Variants in KIT observed in about 807,000 individuals in gnomAD.
KIT encodes the protein mast/stem cell growth factor receptor Kit.
Under a neutral mutation model 105.7 loss-of-function variants are expected in KIT, and 16 were observed. The observed-to-expected ratio is 0.15, with a 90% CI of 0.10 to 0.23. The LOEUF (loss-of-function observed/expected upper bound fraction) is 0.23. Ranked by LOEUF, KIT falls within the 10% of genes least tolerant of loss-of-function variation. The pLI is 1.00. For missense variants in KIT, 858 were observed against 1,213.8 expected, an observed-to-expected ratio of 0.71 and a Z score of 4.36; for synonymous variants, 438 against 441.1, an observed-to-expected ratio of 0.99 and a Z score of 0.09.
chr4:54,719,539 G>T (rs1188922357), intron 7 of KIT, among the ~76,000 whole-genome samples: 1 of 149,858 alleles, frequency 6.7e-6, no homozygotes, highest in Non-Finnish European at 1.5e-5. Context: ...GAATGACTCA[G>T]GTCCATGATG....
At position 54,738,498 on chromosome 4, in the gene KIT, A is replaced by G. The variant is rs1560426461; in HGVS notation, c.2872A>G (p.Asn958Asp). ...KPVVDHSVRI[N>D]SVGSTASSSQ... ...CGTGGTAGACCATTCTGTGCGGATC[A>G]ATTCTGTCGGCAGCACCGCTTCCTC... Residue 958 changes from asparagine to aspartate, a missense_variant, in exon 21 of 21, where the codon AAT (asparagine) becomes GAT (aspartate). By Grantham distance (23) the Asn-to-Asp change is conservative. This residue lies in a region of KIT where 105 missense variants were observed against 103.5 expected (regional missense o/e 1.01). Coordinates refer to ENST00000288135, the MANE Select transcript of KIT (RefSeq NM_000222.3). The G allele has an allele frequency of 6.2e-7, 1 of 1,614,098 alleles. No homozygotes were observed. The highest frequency in any genetic ancestry group is 8.5e-7 in the Non-Finnish European group (1 of 1,180,004).
At position 54,722,057 on chromosome 4, in the gene KIT, C is replaced by T. The variant is rs545462685; in HGVS notation, c.1232-1527C>T. Among the ~76,000 whole-genome samples, 35 of 152,282 alleles carry T rather than the reference C, an allele frequency of 2.3e-4. No homozygotes were observed. The South Asian group carries it at 2.5e-3, about 11-fold the overall frequency. Reference sequence around the variant, plus strand: ...TCACCCAGGCTGGAGTGCAGTGGTGCTCACTGCAACCTCTGCCTCCTGGGT... The same window carrying T: ...TCACCCAGGCTGGAGTGCAGTGGTGTTCACTGCAACCTCTGCCTCCTGGGT... On this transcript the variant is annotated intron_variant, in intron 7 of 20. Coordinates refer to ENST00000288135, the MANE Select transcript of KIT (RefSeq NM_000222.3).
intron 4 of KIT, among the ~76,000 whole-genome samples, chr4:54,700,615 T>G (rs1720395970): frequency 6.6e-6 from 1 of 152,242 alleles, no homozygotes; most frequent in Admixed American, 6.5e-5. Context: ...ACAGTGGTTT[T>G]TATTCATTAC....
chr4:54,698,215 C>CTTT (rs1450963119), intron 2 of KIT, 69 bp from the exon 3 acceptor site: 19 of 1,493,032 alleles, frequency 1.3e-5, no homozygotes, highest in Non-Finnish European at 1.5e-5. Context: ...CATATTAGAT[C>CTTT]TTTTAAAAAG....
At position 54,702,907 on chromosome 4, in the gene KIT, T is replaced by G. The variant is rs140105744; in HGVS notation, c.757-817T>G. Among the ~76,000 whole-genome samples the G allele has an allele frequency of 3.2e-3, 484 of 152,290 alleles. 1 individual carries two copies. The highest frequency in any genetic ancestry group is 0.011 in the African/African-American group (444 of 41,582). On this transcript the variant is annotated intron_variant, in intron 4 of 20. Transcript: ENST00000288135. ...GCTCCTTTTACTTTAATTGGTTGTT[T>G]TTTTCCCCATTGTAATAGGAGTGTG...
chr4:54,723,851 G>T, intron 8 of KIT, among the ~76,000 whole-genome samples, 153 bp downstream of exon 8: 1 of 151,924 alleles, frequency 6.6e-6, no homozygotes. Context: ...AGGGATAATT[G>T]CTATATTTTT....
Position 54,729,505 on chromosome 4 carries a change from ATAGT to A in KIT, c.2141+24_2141+27del, listed in dbSNP as rs747770197. 181 of 1,611,802 alleles carry A rather than the reference ATAGT, an allele frequency of 1.1e-4. No homozygotes were observed. In the Middle Eastern group the frequency reaches 4.3e-3, roughly 38 times the overall value. ...TTCCTGGTAAGACTGATTTACATAA[ATAGT>A]TAGCTGTTGACAGGCAGTTCATGGG... On this transcript the variant is annotated intron_variant, in intron 14 of 20. Coordinates refer to ENST00000288135, the MANE Select transcript of KIT (RefSeq NM_000222.3).
At chr4:54,709,367 C>A in intron 6 of KIT, 57 bp from the exon 7 acceptor site, 2 of 1,073,566 alleles carry the variant, frequency 1.9e-6, no homozygotes, top group Non-Finnish European at 2.9e-6. Context: ...CTGAAAAAGA[C>A]ATGCCTTCCA....
chr4:54,710,571 GTCTC>G (rs1721084044), intron 7 of KIT, among the ~76,000 whole-genome samples: 2 of 148,438 alleles, frequency 1.3e-5, no homozygotes, highest in Non-Finnish European at 3.0e-5. Context: ...TTGAGACAGA[GTCTC>G]TCACTCTCTC....
intron 7 of KIT, among the ~76,000 whole-genome samples, chr4:54,710,316 C>T (rs989310675): frequency 6.6e-6 from 1 of 152,090 alleles, no homozygotes; most frequent in Non-Finnish European, 1.5e-5. Flanking sequence ...GCAAGGGAGG[C>T]CCCTAAAGAC....
At chr4:54,715,347 T>C (rs1204853640) in intron 7 of KIT, among the ~76,000 whole-genome samples, 7 of 144,736 alleles carry the variant, frequency 4.8e-5, no homozygotes, top group Admixed American at 1.4e-4. Flanking sequence ...AGGTAGACTA[T>C]CAGTGCATTT....
intron 2 of KIT, among the ~76,000 whole-genome samples, chr4:54,696,858 C>T (rs1720105203): frequency 6.6e-6 from 1 of 152,256 alleles, no homozygotes; most frequent in Non-Finnish European, 1.5e-5. Flanking sequence ...GGGCATGCTT[C>T]TGTGATTGCT....
At chr4:54,708,841 C>T (rs1008491281) in intron 6 of KIT, among the ~76,000 whole-genome samples, 1 of 152,118 alleles carries the variant, frequency 6.6e-6, no homozygotes, top group East Asian at 1.9e-4. Flanking sequence ...TTGTAGGGTG[C>T]TCAGTGTACA....
At chr4:54,686,014 T>C (rs1026837471) in intron 1 of KIT, among the ~76,000 whole-genome samples, 3 of 152,228 alleles carry the variant, frequency 2.0e-5, no homozygotes, top group African/African-American at 7.2e-5. Context: ...CTTCTTTGTA[T>C]TCCCAGGCCA....
rs2109662329 is a variant in KIT, at chr4:54,695,699, A to G, written c.255A>G (p.Glu85=). 1 of 1,614,244 alleles carries G rather than the reference A, an allele frequency of 6.2e-7. No homozygotes were observed. Among genetic ancestry groups the G allele is most frequent in the Non-Finnish European group, 8.5e-7 (1 of 1,180,044 alleles). Reference sequence around the variant, plus strand: ...ATAAGCAGAATGAATGGATCACGGAAAAGGCAGAAGCCACCAACACCGGCA... The same window carrying G: ...ATAAGCAGAATGAATGGATCACGGAGAAGGCAGAAGCCACCAACACCGGCA... ...NENKQNEWIT[E]KAEATNTGKY... Residue 85 remains glutamate (E), a synonymous_variant, in exon 2 of 21, where the codon GAA becomes GAG. Coordinates refer to ENST00000288135, the MANE Select transcript of KIT (RefSeq NM_000222.3).
At chr4:54,717,824 A>G (rs2109743067) in intron 7 of KIT, among the ~76,000 whole-genome samples, 1 of 152,178 alleles carries the variant, frequency 6.6e-6, no homozygotes. Flanking sequence ...CAGAGTAGGA[A>G]AAAAGAGGCT....
Position 54,731,921 on chromosome 4 carries a change from T to G in KIT, c.2284T>G (p.Leu762Val), listed in dbSNP as rs2109795418. Residue 762 changes from leucine (L) to valine (V), a missense_variant, in exon 16 of 21, where the codon TTG (leucine) becomes GTG (valine). By Grantham distance (32) the Leu-to-Val change is conservative (BLOSUM62 1). Around this residue, in one of 7 missense-constraint regions of KIT, gnomAD observed 158 missense variants for 218.7 expected, o/e 0.72. Coordinates refer to ENST00000288135, the MANE Select transcript of KIT (RefSeq NM_000222.3). ...TCCCGCCATCATGGAGGATGACGAG[T>G]TGGCCCTAGACTTAGAAGACTTGCT... is the stretch of plus-strand genomic sequence containing the variant. Reference protein sequence around the residue: ...VTPAIMEDDELALDLEDLLSF... With the variant: ...VTPAIMEDDEVALDLEDLLSF... The G allele has an allele frequency of 6.2e-7, 1 of 1,613,652 alleles. No homozygotes were observed. Among genetic ancestry groups the G allele is most frequent in the Non-Finnish European group, 8.5e-7 (1 of 1,179,680 alleles).
Position 54,690,068 on chromosome 4 carries a change from G to A in KIT, c.68-5444G>A, listed in dbSNP as rs907706183. On this transcript the variant is annotated intron_variant, in intron 1 of 20. Coordinates refer to ENST00000288135, the MANE Select transcript of KIT (RefSeq NM_000222.3). The stretch of plus-strand genomic sequence containing the variant: ...GTTACTTTTTTTTTGTGGGGGGGGG[G>A]GGCTGTGTAATGTTCCATTGTATGT... Among the ~76,000 whole-genome samples, 3 of 141,380 alleles carry A rather than the reference G, an allele frequency of 2.1e-5. No homozygotes were observed. In the South Asian group the frequency reaches 7.3e-4, roughly 34 times the overall value. The allele number at this position is 141,380 out of a possible 152,430, so 92.8% of individuals were successfully genotyped here.
Position 54,728,019 on chromosome 4 carries a change from C to CA in KIT, c.1889dup (p.His630GlnfsTer11). Reference sequence around the variant, plus strand: ...CATGTTTCCAATTTTAGCGAGTGCCCATTTGACAGAACGGGAAGCCCTCAT... The same window carrying CA: ...CATGTTTCCAATTTTAGCGAGTGCCCAATTTGACAGAACGGGAAGCCCTCAT... On this transcript the variant is annotated frameshift_variant, in exon 13 of 21. Coordinates refer to ENST00000288135, the MANE Select transcript of KIT (RefSeq NM_000222.3). LOFTEE classifies it high-confidence loss of function. The CA allele has an allele frequency of 1.2e-6, 2 of 1,613,904 alleles. No homozygotes were observed. The highest frequency in any genetic ancestry group is 1.7e-6 in the Non-Finnish European group (2 of 1,179,850).
Sources: gnomAD v4.1 joint callset for allele counts (sites outside exome capture counted in the v4.1 genomes callset) on GRCh38, gnomAD v4.1.1 for gene constraint, gnomAD v4.1.1 regional missense constraint, MANE v1.5 for transcripts, NCBI Gene and HGNC (gene_info 2026-07-23, HGNC 2026-07-21) for gene names.